FBXO43: variants seen among roughly 807,000 people sequenced by gnomAD.
The protein encoded by FBXO43 is F-box only protein 43.
Under a neutral mutation model 56.7 loss-of-function variants are expected in FBXO43, and 22 were observed. The ratio of observed to expected loss-of-function variants is 0.39; its 90% CI spans 0.28 to 0.55. FBXO43 has a LOEUF of 0.55. Ranked by LOEUF, FBXO43 falls within the 20% of genes least tolerant of loss-of-function variation. FBXO43 has a pLI of 0.66. For synonymous variants in FBXO43, 306 were observed against 294.5 expected (o/e 1.04, Z -0.40); for missense variants, 733 against 814.9 (o/e 0.90, Z 1.22).
At position 100,141,487 on chromosome 8, in the gene FBXO43, T is replaced by C. The variant is rs1814649926; in HGVS notation, c.767A>G (p.Asn256Ser). The C allele has an allele frequency of 3.1e-6, 5 of 1,612,828 alleles. No individual in the cohort carries two copies. Among genetic ancestry groups the C allele is most frequent in the Non-Finnish European group, 4.2e-6 (5 of 1,179,988 alleles). The change falls in exon 2 of 5, where the codon AAT (asparagine) becomes AGT (serine). Residue 256 changes from asparagine to serine, a missense_variant. Asn to Ser is a conservative substitution (Grantham distance 46). Coordinates refer to ENST00000428847, the MANE Select transcript of FBXO43 (RefSeq NM_001029860.4). ...EVECISPIQG[N>S]NFKDSITHDF... ...ATGTGTGATAGAGTCTTTAAAATTA[T>C]TGCCCTGAATTGGAGATATACATTC...
chr8:100,148,800 T>G (rs1586358913), upstream of FBXO43, among the ~76,000 whole-genome samples: 1 of 152,296 alleles, frequency 6.6e-6, no homozygotes, highest in South Asian at 2.1e-4. Context: ...ATCTGATGCT[T>G]CTTTTTGGGA....
At chr8:100,149,239 G>C (rs932059614), upstream of FBXO43, among the ~76,000 whole-genome samples, 1 of 152,168 alleles carries the variant, frequency 6.6e-6, no homozygotes, top group Non-Finnish European at 1.5e-5. Flanking sequence ...CTTTTGTAGG[G>C]CCCCAGGACC....
upstream of FBXO43, among the ~76,000 whole-genome samples, chr8:100,147,923 T>G (rs1814861503): frequency 6.6e-6 from 1 of 152,170 alleles, no homozygotes; most frequent in Non-Finnish European, 1.5e-5. Context: ...GTAGAGTGAA[T>G]AGTACCCTCT....
At chr8:100,144,899 T>A (rs897374203) in intron 1 of FBXO43, 152 bp downstream of exon 1, 1 of 903,890 alleles carries the variant, frequency 1.1e-6, no homozygotes, top group Non-Finnish European at 1.5e-6. Flanking sequence ...GCCACTGCAC[T>A]CCAGCCTGGG....
At position 100,141,072 on chromosome 8, in the gene FBXO43, T is replaced by C. The variant is rs1814629769; in HGVS notation, c.1182A>G (p.Ser394=). 3.7e-6 allele frequency: 6 copies of C among 1,614,102 alleles called. No individual in the cohort carries two copies. Among genetic ancestry groups the C allele is most frequent in the Admixed American group, 3.3e-5 (2 of 60,008 alleles). The change falls in exon 2 of 5, where the codon TCA becomes TCG. Residue 394 remains serine (S), a synonymous_variant. Coordinates refer to ENST00000428847, the MANE Select transcript of FBXO43 (RefSeq NM_001029860.4). ...LSTLREQSSQ[S]ETEEEKQIVH... ...CAATCTGCTTTTCCTCTTCTGTCTC[T>C]GACTGCGAGCTTTGTTCCCGAAGGG... is the stretch of plus-strand genomic sequence containing the variant.
rs1814799348 is a variant in FBXO43, at chr8:100,145,379, C to G, written c.-244G>C. 5.5e-6 allele frequency: 2 copies of G among 365,554 alleles called. No individual in the cohort carries two copies. The highest frequency in any genetic ancestry group is 9.8e-6 in the Non-Finnish European group (2 of 203,792). The allele number at this position is 365,554 out of a possible 1,614,324, so 22.6% of individuals were successfully genotyped here. A position where few individuals can be genotyped will look rare whatever the true frequency, so the allele number is the denominator to read the frequency against. ...GAGTAAACTTCCCAAATTCGGGTTC[C>G]TGAAAAGGCAGCGTGTGCTGCAGCC... On this transcript the variant is annotated 5_prime_UTR_variant, in exon 1 of 5. Coordinates refer to ENST00000428847, the MANE Select transcript of FBXO43 (RefSeq NM_001029860.4).
chr8:100,147,020 G>A (rs1814844429), upstream of FBXO43, among the ~76,000 whole-genome samples: 1 of 152,170 alleles, frequency 6.6e-6, no homozygotes, highest in Non-Finnish European at 1.5e-5. Context: ...GCTAATTTTT[G>A]TATTTTCAGT....
In FBXO43 at chr8:100,133,902, T is replaced by C; in HGVS notation, c.2027A>G (p.His676Arg). 4 of 1,613,010 alleles carry C rather than the reference T, an allele frequency of 2.5e-6. No individual in the cohort carries two copies. The highest frequency in any genetic ancestry group is 3.4e-6 in the Non-Finnish European group (4 of 1,179,432). Residue 676 changes from histidine (H) to arginine (R), a missense_variant, in exon 5 of 5, where the codon CAT (histidine) becomes CGT (arginine). By Grantham distance (29) the His-to-Arg change is conservative. Transcript: ENST00000428847. ...TCCTCTACTACATTCTTCAGACCCA[T>C]GATAAGCACACAGACATAACACACA... ...DFCVLCLCAYHGSEECSRGAA... is the reference protein window; with the variant it reads ...DFCVLCLCAYRGSEECSRGAA...
chr8:100,145,040 G>T lies in FBXO43; in HGVS notation c.85+11C>A, dbSNP rs1179387683. 1 of 1,605,928 alleles carries T rather than the reference G, an allele frequency of 6.2e-7. No individual in the cohort carries two copies. The highest frequency in any genetic ancestry group is 8.5e-7 in the Non-Finnish European group (1 of 1,175,714). ...CAAATGTTCTTCATTTGTTAAAGTG[G>T]AAACTCTTACCATCAGTAAATCTTG... On this transcript the variant is annotated intron_variant, in intron 1 of 4. Coordinates refer to ENST00000428847, the MANE Select transcript of FBXO43 (RefSeq NM_001029860.4).
rs1301408880 is a variant in FBXO43 at position 100,141,292 on chromosome 8, G to A, written c.962C>T (p.Ser321Leu). ...RFNASQILSP[S>L]PEVRGSISTP... ...TGAAATACTGCCTCTCACTTCAGGTGAAGGAGAAAGTATTTGACTTGCGTT... is the reference window on the plus strand; with the variant it reads ...TGAAATACTGCCTCTCACTTCAGGTAAAGGAGAAAGTATTTGACTTGCGTT... The change falls in exon 2 of 5, where the codon TCA (serine) becomes TTA (leucine). Residue 321 changes from serine to leucine, a missense_variant. Physicochemically the swap from Ser to Leu is moderately radical, Grantham distance 145 (BLOSUM62 -2). Transcript: ENST00000428847. 1.9e-6 allele frequency: 3 copies of A among 1,614,134 alleles called. No homozygotes were observed. Among genetic ancestry groups the A allele is most frequent in the Non-Finnish European group, 2.5e-6 (3 of 1,180,050 alleles).
chr8:100,140,842 T>C lies in FBXO43; in HGVS notation c.1412A>G (p.Asp471Gly). The change falls in exon 2 of 5, where the codon GAT (aspartate) becomes GGT (glycine). Residue 471 changes from aspartate (D) to glycine (G), a missense_variant. Asp to Gly is a moderately conservative substitution (Grantham distance 94, BLOSUM62 -1). Transcript: ENST00000428847. ...CTGCAGTACAGCTATTTTCTCCCCA[T>C]CCCCTTGCTCTAAGAATTCATGTCC... ...NSGHEFLEQG[D>G]GEKIAVLQCI... 1 of 1,614,194 alleles carries C rather than the reference T, an allele frequency of 6.2e-7. No individual in the cohort carries two copies. The highest frequency in any genetic ancestry group is 8.5e-7 in the Non-Finnish European group (1 of 1,180,036).
Position 100,134,496 on chromosome 8 carries a change from T to G in FBXO43, c.1675-132A>C. On this transcript the variant is annotated intron_variant, in intron 3 of 4. Coordinates refer to ENST00000428847, the MANE Select transcript of FBXO43 (RefSeq NM_001029860.4). ...GAATTCTCTCCCTAGGCTGTTCCTT[T>G]TCAGAAAAAAAAACAAACAAAACAA... 5.3e-6 allele frequency: 3 copies of G among 564,200 alleles called. 1 individual carries two copies. Among genetic ancestry groups the G allele is most frequent in the Non-Finnish European group, 8.4e-6 (3 of 356,182 alleles). The allele number at this position is 564,200 out of a possible 1,614,324, so 34.9% of individuals were successfully genotyped here.
In FBXO43 at chr8:100,133,987, T is replaced by G. The variant is rs367788791; in HGVS notation, c.1942A>C (p.Lys648Gln). The G allele has an allele frequency of 6.2e-7, 1 of 1,614,216 alleles. No homozygotes were observed. Among genetic ancestry groups the G allele is most frequent in the African/African-American group, 1.3e-5 (1 of 75,054 alleles). Residue 648 changes from lysine (K) to glutamine (Q), a missense_variant, in exon 5 of 5, where the codon AAG (lysine) becomes CAG (glutamine). By Grantham distance (53) the Lys-to-Gln change is moderately conservative. Coordinates refer to ENST00000428847, the MANE Select transcript of FBXO43 (RefSeq NM_001029860.4). Reference sequence around the variant, plus strand: ...CCCCTTTTCTTATATGGCTGGTACTTAGCAGGGGACTGGCACCTTGGGCAA... The same window carrying G: ...CCCCTTTTCTTATATGGCTGGTACTGAGCAGGGGACTGGCACCTTGGGCAA... ...KPCPRCQSPA[K>Q]YQPYKKRGLC...
In FBXO43 at chr8:100,133,919, T is replaced by C; in HGVS notation, c.2010A>G (p.Leu670=). 1 of 1,613,736 alleles carries C rather than the reference T, an allele frequency of 6.2e-7. No homozygotes were observed. Residue 670 remains leucine, a synonymous_variant, in exon 5 of 5, where the codon TTA becomes TTG. Transcript: ENST00000428847. ...RTACGFDFCV[L]CLCAYHGSEE... is the part of the protein sequence containing the mutation. ...CAGACCCATGATAAGCACACAGACA[T>C]AACACACAAAAGTCAAAACCACAGG...
In FBXO43 at chr8:100,141,333, C is replaced by T; in HGVS notation, c.921G>A (p.Val307=). 6.2e-7 allele frequency: 1 copy of T among 1,613,748 alleles called. No homozygotes were observed. Among genetic ancestry groups the T allele is most frequent in the Non-Finnish European group, 8.5e-7 (1 of 1,180,026 alleles). ...DIFVTPISNL[V]ANIRFNASQI... ...GACTTGCGTTAAATCTAATGTTTGC[C>T]ACAAGATTACTTATCGGAGTCACAA... is the stretch of plus-strand genomic sequence containing the variant. The change falls in exon 2 of 5, where the codon GTG becomes GTA. Residue 307 remains valine (V), a synonymous_variant. Transcript: ENST00000428847.
At chr8:100,134,462 T>C (rs2132117281) in intron 3 of FBXO43, 98 bp from the exon 4 acceptor site, 1 of 1,046,104 alleles carries the variant, frequency 9.6e-7, no homozygotes, top group Non-Finnish European at 1.4e-6. Flanking sequence ...AAGAGGTTTT[T>C]TGCCATCCGA....
chr8:100,144,536 G>A (rs972063632), intron 1 of FBXO43, among the ~76,000 whole-genome samples: 7 of 151,432 alleles, frequency 4.6e-5, no homozygotes, highest in Non-Finnish European at 1.0e-4. Context: ...AACAGTTCAC[G>A]GATAAATCAA....
Position 100,133,998 on chromosome 8 carries a change from T to C in FBXO43, c.1931A>G (p.Gln644Arg), listed in dbSNP as rs759992095. ...DEALKPCPRC[Q>R]SPAKYQPYKK... ...ATATGGCTGGTACTTAGCAGGGGAC[T>C]GGCACCTTGGGCAAGGTTTTAATGC... The change falls in exon 5 of 5, where the codon CAG (glutamine) becomes CGG (arginine). Residue 644 changes from glutamine (Q) to arginine (R), a missense_variant. Physicochemically the swap from Gln to Arg is conservative, Grantham distance 43. Transcript: ENST00000428847. 3 of 1,614,230 alleles carry C rather than the reference T, an allele frequency of 1.9e-6. No homozygotes were observed. Among genetic ancestry groups the C allele is most frequent in the South Asian group, 1.1e-5 (1 of 91,086 alleles).
intron 3 of FBXO43, chr8:100,137,341 T>C (rs1249068541): frequency 2.7e-6 from 1 of 375,646 alleles, no homozygotes; most frequent in Non-Finnish European, 4.8e-6. Context: ...ATTACAGGCG[T>C]GAGCCACCGC....
Sources: allele counts gnomAD v4.1 joint callset (sites outside exome capture counted in the v4.1 genomes callset), GRCh38; gene constraint gnomAD v4.1.1; transcripts MANE v1.5; gene names NCBI Gene and HGNC (gene_info 2026-07-23, HGNC 2026-07-21).